The following TAFA1 variants were observed in gnomAD, a reference collection of about 807,000 sequenced individuals.
TAFA1 encodes the protein chemokine-like protein TAFA-1.
TAFA1 carries 4 observed loss-of-function variants against 18.5 expected under a neutral mutation model. The observed-to-expected ratio is 0.22, with a 90% CI of 0.11 to 0.49. The LOEUF (loss-of-function observed/expected upper bound fraction) is 0.49, where lower values mean the gene tolerates loss of function less well. Among genes scored for constraint, TAFA1 ranks in the 20% least tolerant of loss-of-function variants. TAFA1 has a pLI of 0.98. For synonymous variants in TAFA1, 56 were observed against 55.2 expected (o/e 1.01, Z -0.06); for missense variants, 147 against 169.0 (o/e 0.87, Z 0.72).
intron 2 of TAFA1, among the ~76,000 whole-genome samples, chr3:68,312,159 G>C (rs765100362): frequency 6.6e-6 from 1 of 152,152 alleles, no homozygotes; most frequent in African/African-American, 2.4e-5. Context: ...CACACAGCAC[G>C]GGGATCCTGG....
At chr3:68,145,712 A>T in intron 2 of TAFA1, 1 of 753,154 alleles carries the variant, frequency 1.3e-6, no homozygotes, top group Admixed American at 1.9e-5. Context: ...TGTATTTTCA[A>T]TTTATTGGAT....
chr3:68,333,601 A>C (rs1170395320), intron 2 of TAFA1, among the ~76,000 whole-genome samples: 1 of 152,190 alleles, frequency 6.6e-6, no homozygotes, highest in African/African-American at 2.4e-5. Flanking sequence ...AAACCTGCAC[A>C]TGTACCCCTG....
chr3:68,349,682 G>A (rs2069230320), intron 2 of TAFA1, among the ~76,000 whole-genome samples: 1 of 152,102 alleles, frequency 6.6e-6, no homozygotes, highest in South Asian at 2.1e-4. Context: ...CCATCGTGGG[G>A]AGAAAGCAAC....
chr3:68,018,560 T>C (rs1021800288), intron 2 of TAFA1, among the ~76,000 whole-genome samples: 1 of 152,194 alleles, frequency 6.6e-6, no homozygotes, highest in Non-Finnish European at 1.5e-5. Context: ...CACTTTACTA[T>C]AGTCCCTGGT....
upstream of TAFA1, among the ~76,000 whole-genome samples, chr3:68,002,298 G>A (rs1379995043): frequency 6.6e-6 from 1 of 152,204 alleles, no homozygotes; most frequent in African/African-American, 2.4e-5. Flanking sequence ...GTTAAGGCGA[G>A]TCTTTATTCC....
intron 3 of TAFA1, among the ~76,000 whole-genome samples, chr3:68,517,260 T>C (rs1021089349): frequency 1.3e-5 from 2 of 152,230 alleles, no homozygotes; most frequent in Non-Finnish European, 2.9e-5. Flanking sequence ...TTTATTGTTG[T>C]ATTTATTTTT....
chr3:68,043,086 T>C (rs778084243), intron 2 of TAFA1, among the ~76,000 whole-genome samples: 12 of 152,142 alleles, frequency 7.9e-5, no homozygotes, highest in Non-Finnish European at 1.3e-4. Context: ...GGTTTCACCA[T>C]GTTAGCCAGG....
chr3:67,997,282 A>G, the TAFA1 span, among the ~76,000 whole-genome samples: 6 of 152,212 alleles, frequency 3.9e-5, no homozygotes, highest in East Asian at 9.6e-4. Flanking sequence ...ATGGTATACC[A>G]GATACACTGA....
chr3:68,353,830 A>C (rs1313663159), intron 2 of TAFA1, among the ~76,000 whole-genome samples: 1 of 152,032 alleles, frequency 6.6e-6, no homozygotes, highest in Non-Finnish European at 1.5e-5. Flanking sequence ...GTATGGGCTA[A>C]AAAAGAGTAA....
At chr3:68,408,105 ACT>A (rs1178454239) in intron 2 of TAFA1, among the ~76,000 whole-genome samples, 1 of 151,892 alleles carries the variant, frequency 6.6e-6, no homozygotes, top group Non-Finnish European at 1.5e-5. Flanking sequence ...TGTAAAAGTG[ACT>A]CTGAAAAAAA....
intron 2 of TAFA1, among the ~76,000 whole-genome samples, chr3:68,267,773 G>C (rs1244026719): frequency 6.6e-6 from 1 of 151,802 alleles, no homozygotes; most frequent in Non-Finnish European, 1.5e-5. Flanking sequence ...TATGCATGTT[G>C]TAACTTTTCA....
intron 2 of TAFA1, among the ~76,000 whole-genome samples, chr3:68,131,683 A>T (rs995642209): frequency 1.3e-5 from 2 of 152,196 alleles, no homozygotes; most frequent in South Asian, 4.1e-4. Flanking sequence ...GGCTGCATAC[A>T]GCCATCAGCG....
chr3:68,107,959 C>T (rs1203742466), intron 2 of TAFA1, among the ~76,000 whole-genome samples: 1 of 152,056 alleles, frequency 6.6e-6, no homozygotes, highest in Non-Finnish European at 1.5e-5. Context: ...ACTACATTAC[C>T]TACTCATGCC....
chr3:68,024,106 C>A (rs1704759583), intron 2 of TAFA1, among the ~76,000 whole-genome samples: 1 of 152,134 alleles, frequency 6.6e-6, no homozygotes, highest in African/African-American at 2.4e-5. Context: ...AGGGCATATT[C>A]AGTAAGTAGG....
chr3:68,032,851 A>G (rs1215089438), intron 2 of TAFA1, among the ~76,000 whole-genome samples: 1 of 152,198 alleles, frequency 6.6e-6, no homozygotes. Context: ...CAAAATGTGT[A>G]AACTAATGAT....
chr3:68,219,643 C>G (rs1311815581), intron 2 of TAFA1, among the ~76,000 whole-genome samples: 12 of 152,142 alleles, frequency 7.9e-5, no homozygotes, highest in Admixed American at 7.9e-4. Context: ...GAACATGTCT[C>G]TGATGCTTCA....
intron 2 of TAFA1, among the ~76,000 whole-genome samples, chr3:68,217,560 CTTTA>C (rs1203177313): frequency 1.3e-5 from 2 of 151,864 alleles, no homozygotes; most frequent in African/African-American, 2.4e-5. Flanking sequence ...AAAGCATGGA[CTTTA>C]TTTAGTTAAT....
At chr3:68,334,758 T>A (rs2068942758) in intron 2 of TAFA1, among the ~76,000 whole-genome samples, 1 of 152,132 alleles carries the variant, frequency 6.6e-6, no homozygotes, top group Non-Finnish European at 1.5e-5. Context: ...GGCAAGTCAT[T>A]GAGACACATT....
chr3:68,386,875 C>T (rs2070116229), intron 2 of TAFA1, among the ~76,000 whole-genome samples: 1 of 151,988 alleles, frequency 6.6e-6, no homozygotes, highest in Admixed American at 6.6e-5. Flanking sequence ...GAATTAGGTC[C>T]TAGGAACAAT....
Sources: gnomAD v4.1 joint callset for allele counts (sites outside exome capture counted in the v4.1 genomes callset) on GRCh38, gnomAD v4.1.1 for gene constraint, MANE v1.5 for transcripts, NCBI Gene and HGNC (gene_info 2026-07-23, HGNC 2026-07-21) for gene names.